SPMIP11: variants seen among roughly 807,000 people sequenced by gnomAD.
SPMIP11 encodes long intergenic non-protein coding RNA 935.
chr12:48,738,979 G>C, the SPMIP11 span, among the ~76,000 whole-genome samples: 1 of 150,912 alleles, frequency 6.6e-6, no homozygotes, highest in Non-Finnish European at 1.5e-5. Flanking sequence ...TTTTACCTTG[G>C]TTATTATATT....
At chr12:48,764,997 T>G in the SPMIP11 span, 1 of 702,386 alleles carries the variant, frequency 1.4e-6, no homozygotes, top group Non-Finnish European at 2.6e-6. Context: ...GATGACCAGG[T>G]TAGGCTGGGA....
the SPMIP11 span, among the ~76,000 whole-genome samples, chr12:48,759,014 G>A: frequency 3.9e-5 from 6 of 152,292 alleles, no homozygotes; most frequent in East Asian, 3.9e-4. Flanking sequence ...TGGTAAGGGA[G>A]GTCTTGTGAT....
At chr12:48,750,092 C>T in the SPMIP11 span, among the ~76,000 whole-genome samples, 2 of 151,938 alleles carry the variant, frequency 1.3e-5, no homozygotes, top group South Asian at 4.2e-4. Flanking sequence ...TGGCCCAGGC[C>T]TGTAATCCCA....
the SPMIP11 span, chr12:48,768,550 C>T: frequency 6.2e-7 from 1 of 1,614,078 alleles, no homozygotes; most frequent in Non-Finnish European, 8.5e-7. Flanking sequence ...CCACTCAATG[C>T]CCACCTTGGT....
the SPMIP11 span, among the ~76,000 whole-genome samples, chr12:48,762,730 C>A: frequency 6.6e-6 from 1 of 151,864 alleles, no homozygotes; most frequent in African/African-American, 2.4e-5. Flanking sequence ...ATTTCCAAAG[C>A]GGGGCAGTGG....
chr12:48,728,485 G>C, the SPMIP11 span, among the ~76,000 whole-genome samples: 2 of 152,110 alleles, frequency 1.3e-5, no homozygotes, highest in Non-Finnish European at 2.9e-5. Flanking sequence ...GAGGCGGGCG[G>C]ATCACGAGGT....
At chr12:48,764,782 C>T in the SPMIP11 span, 2 of 676,428 alleles carry the variant, frequency 3.0e-6, no homozygotes, top group South Asian at 3.2e-5. Context: ...CTATTGCTGC[C>T]CTGAGGCAGA....
chr12:48,758,599 C>T, the SPMIP11 span, among the ~76,000 whole-genome samples: 1 of 152,206 alleles, frequency 6.6e-6, no homozygotes, highest in African/African-American at 2.4e-5. Flanking sequence ...GGTTTTGCTT[C>T]ATAGGGAGTG....
the SPMIP11 span, among the ~76,000 whole-genome samples, chr12:48,739,269 C>T: frequency 6.6e-6 from 1 of 152,140 alleles, no homozygotes; most frequent in Non-Finnish European, 1.5e-5. Context: ...CCATTATGGG[C>T]TTCATTCCAG....
At chr12:48,740,351 C>T in the SPMIP11 span, among the ~76,000 whole-genome samples, 1 of 151,958 alleles carries the variant, frequency 6.6e-6, no homozygotes, top group Admixed American at 6.6e-5. Flanking sequence ...ATATCTCTTT[C>T]CCTCTAAATA....
At chr12:48,760,767 T>C in the SPMIP11 span, among the ~76,000 whole-genome samples, 193 of 152,224 alleles carry the variant, frequency 1.3e-3, 2 homozygotes, top group East Asian at 0.033. Flanking sequence ...TCTCAGGTGA[T>C]CCATCTCCCT....
chr12:48,750,383 T>G, the SPMIP11 span, among the ~76,000 whole-genome samples: 7 of 152,186 alleles, frequency 4.6e-5, no homozygotes, highest in African/African-American at 9.6e-5. Flanking sequence ...AAAACCCTGC[T>G]GTATCCATTT....
chr12:48,732,190 GTTATTGT>G, the SPMIP11 span, among the ~76,000 whole-genome samples: 1 of 151,188 alleles, frequency 6.6e-6, no homozygotes, highest in Non-Finnish European at 1.5e-5. Context: ...CCCCATTGGA[GTTATTGT>G]TGAAAACTCA....
chr12:48,739,393 T>C, the SPMIP11 span, among the ~76,000 whole-genome samples: 18 of 152,318 alleles, frequency 1.2e-4, no homozygotes, highest in African/African-American at 3.8e-4. Context: ...GAAGAAGGTA[T>C]TGAGGGTCTT....
chr12:48,727,935 T>C, the SPMIP11 span, among the ~76,000 whole-genome samples: 1 of 151,822 alleles, frequency 6.6e-6, no homozygotes, highest in African/African-American at 2.4e-5. Context: ...CCTGTGGTCC[T>C]AGCTACTTGG....
At chr12:48,733,972 A>G in the SPMIP11 span, among the ~76,000 whole-genome samples, 1 of 151,780 alleles carries the variant, frequency 6.6e-6, no homozygotes, top group Admixed American at 6.6e-5. Context: ...GGGTTTCACC[A>G]TGTTGGCCAG....
At chr12:48,738,123 CTTAATT>C in the SPMIP11 span, among the ~76,000 whole-genome samples, 2 of 152,104 alleles carry the variant, frequency 1.3e-5, no homozygotes, top group African/African-American at 2.4e-5. Context: ...CCATGTCTGG[CTTAATT>C]TTATTTATCT....
the SPMIP11 span, among the ~76,000 whole-genome samples, chr12:48,741,071 T>G: frequency 1.2e-5 from 1 of 80,476 alleles, no homozygotes; most frequent in Non-Finnish European, 3.1e-5. Context: ...GATATTGACT[T>G]TTTTTTTTTT....
the SPMIP11 span, among the ~76,000 whole-genome samples, chr12:48,728,640 G>A: frequency 3.3e-5 from 5 of 150,652 alleles, no homozygotes; most frequent in South Asian, 2.1e-4. Context: ...CCCGGGAGGC[G>A]GAGCTTGCAG....
Sources: gnomAD v4.1 joint callset for allele counts (sites outside exome capture counted in the v4.1 genomes callset) on GRCh38, gnomAD v4.1.1 for gene constraint, MANE v1.5 for transcripts, NCBI Gene and HGNC (gene_info 2026-07-23, HGNC 2026-07-21) for gene names.